Variants in KALRN observed in about 807,000 individuals in gnomAD.
The protein encoded by KALRN is kalirin RhoGEF kinase.
KALRN carries 70 observed loss-of-function variants against 353.7 expected under a neutral mutation model. That is an observed-to-expected ratio of 0.20 (90% CI 0.16 to 0.24). The LOEUF (loss-of-function observed/expected upper bound fraction) is 0.24, where lower values mean the gene tolerates loss of function less well. Ranked by LOEUF, KALRN falls within the 10% of genes least tolerant of loss-of-function variation. KALRN has a pLI of 1.00. For missense variants in KALRN, 2,791 were observed against 3,756.7 expected (o/e 0.74, Z 6.72); for synonymous variants, 1,391 against 1,434.8 (o/e 0.97, Z 0.69).
At chr3:124,312,589 A>G (rs1383810801) in intron 6 of KALRN, among the ~76,000 whole-genome samples, 1 of 152,262 alleles carries the variant, frequency 6.6e-6, no homozygotes, top group Admixed American at 6.5e-5. Flanking sequence ...TAAACATTAA[A>G]GGGAATGGCC....
intron 34 of KALRN, among the ~76,000 whole-genome samples, chr3:124,572,327 AAAAAAAC>A (rs1003825528): frequency 3.3e-5 from 5 of 151,762 alleles, no homozygotes; most frequent in Admixed American, 1.3e-4. Context: ...CCCATCTCAA[AAAAAAAC>A]AAAAAACAAA....
At chr3:124,449,205 C>T (rs567665024) in intron 21 of KALRN, among the ~76,000 whole-genome samples, 50 of 152,238 alleles carry the variant, frequency 3.3e-4, no homozygotes, top group African/African-American at 1.2e-3. Flanking sequence ...CAAGAGAATA[C>T]ATACAGTGGC....
chr3:124,280,390 C>T (rs2075226348), intron 5 of KALRN, among the ~76,000 whole-genome samples: 1 of 152,338 alleles, frequency 6.6e-6, no homozygotes, highest in East Asian at 1.9e-4. Context: ...GAACTACTCT[C>T]TTCCTTCCCC....
At position 124,507,412 on chromosome 3, in the gene KALRN, T is replaced by C. The variant is rs1306175320; in HGVS notation, c.4935+10999T>C. ...GAATATGAAGTCCCAACCATGAAAT[T>C]TGCTGTTATTTGGAGGGCAAACTAC... On this transcript the variant is annotated intron_variant, in intron 33 of 59. Transcript: ENST00000682506. Among the ~76,000 whole-genome samples the C allele has an allele frequency of 9.2e-5, 14 of 152,300 alleles. No homozygotes were observed. The South Asian group carries it at 2.1e-3, about 23-fold the overall frequency.
At chr3:124,198,492 C>T (rs984003594) in intron 1 of KALRN, among the ~76,000 whole-genome samples, 1 of 152,194 alleles carries the variant, frequency 6.6e-6, no homozygotes, top group African/African-American at 2.4e-5. Flanking sequence ...CTCAAAGAGA[C>T]AATTTGTGTT....
intron 1 of KALRN, among the ~76,000 whole-genome samples, chr3:124,045,866 G>A (rs755894278): frequency 5.9e-5 from 9 of 152,170 alleles, no homozygotes; most frequent in South Asian, 2.1e-4. Flanking sequence ...CCGGATGGGC[G>A]TGGGGAAGAT....
At chr3:124,127,209 A>G (rs1161466972) in intron 1 of KALRN, among the ~76,000 whole-genome samples, 1 of 152,162 alleles carries the variant, frequency 6.6e-6, no homozygotes, top group African/African-American at 2.4e-5. Context: ...TCAACCTGTC[A>G]AATATCTGAT....
At chr3:124,353,310 A>G (rs2083036017) in intron 10 of KALRN, among the ~76,000 whole-genome samples, 1 of 152,194 alleles carries the variant, frequency 6.6e-6, no homozygotes, top group African/African-American at 2.4e-5. Context: ...ATAAAATAGG[A>G]TAATCCACAG....
chr3:124,438,652 G>A (rs111597209), intron 17 of KALRN, among the ~76,000 whole-genome samples: 3 of 148,646 alleles, frequency 2.0e-5, no homozygotes, highest in Admixed American at 6.8e-5. Context: ...CTATTCCTAG[G>A]TAATGTCATC....
chr3:124,596,187 A>G (rs1299884039), intron 34 of KALRN, among the ~76,000 whole-genome samples: 4 of 97,810 alleles, frequency 4.1e-5, no homozygotes, highest in Admixed American at 2.1e-4. Context: ...ATCTTAAAGA[A>G]AAAAAAAAAA....
At chr3:124,395,545 A>T (rs896569540) in intron 12 of KALRN, 2 of 544,830 alleles carry the variant, frequency 3.7e-6, no homozygotes, top group Admixed American at 3.3e-5. Context: ...TTAATGTTTC[A>T]AAGAATTATT....
At chr3:124,336,369 A>G (rs1174721431) in intron 9 of KALRN, among the ~76,000 whole-genome samples, 1 of 152,134 alleles carries the variant, frequency 6.6e-6, no homozygotes, top group Non-Finnish European at 1.5e-5. Context: ...GAGGCAGTCT[A>G]TGATTGAGAC....
intron 5 of KALRN, among the ~76,000 whole-genome samples, chr3:124,286,096 T>TTTCTTTCC (rs2075832542): frequency 7.0e-6 from 1 of 143,028 alleles, no homozygotes; most frequent in African/African-American, 2.7e-5. Flanking sequence ...TCTTTCTTTC[T>TTTCTTTCC]TTCTTTCTTT....
chr3:124,037,378 A>G (rs1029638473), intron 1 of KALRN, among the ~76,000 whole-genome samples: 1 of 152,212 alleles, frequency 6.6e-6, no homozygotes, highest in Non-Finnish European at 1.5e-5. Flanking sequence ...TGGGCATTGA[A>G]GAGCCTGGGC....
chr3:124,387,962 G>A (rs1052342764), intron 11 of KALRN, among the ~76,000 whole-genome samples: 2 of 152,020 alleles, frequency 1.3e-5, no homozygotes, highest in African/African-American at 4.8e-5. Flanking sequence ...TAAGTGATTT[G>A]CTAGGCAGGG....
intron 10 of KALRN, among the ~76,000 whole-genome samples, chr3:124,361,972 A>G (rs1055369989): frequency 5.3e-5 from 8 of 151,808 alleles, no homozygotes; most frequent in Non-Finnish European, 1.0e-4. Flanking sequence ...TCCAGGTGTG[A>G]TTTGAGGTGG....
At chr3:124,305,598 G>A (rs2077620399) in intron 6 of KALRN, among the ~76,000 whole-genome samples, 1 of 152,170 alleles carries the variant, frequency 6.6e-6, no homozygotes, top group Admixed American at 6.5e-5. Context: ...TCAGAGCACT[G>A]CCAAAGCCAC....
chr3:124,455,162 C>CCA lies in KALRN; in HGVS notation c.3553-15_3553-14insCA. On this transcript the variant is annotated splice_polypyrimidine_tract_variant and intron_variant, in intron 21 of 59. Coordinates refer to ENST00000682506, the MANE Select transcript of KALRN (RefSeq NM_001388419.1). The stretch of plus-strand genomic sequence containing the variant: ...TAAATGTAATCCAGTAACTTAAGGC[C>CCA]ATCTTTTGGGGCAGCAAACAAAGGA... 1 of 1,613,726 alleles carries CCA rather than the reference C, an allele frequency of 6.2e-7. No homozygotes were observed. Among genetic ancestry groups the CCA allele is most frequent in the Non-Finnish European group, 8.5e-7 (1 of 1,179,766 alleles).
At chr3:124,210,156 G>A (rs960730793) in intron 1 of KALRN, among the ~76,000 whole-genome samples, 5 of 152,100 alleles carry the variant, frequency 3.3e-5, no homozygotes, top group East Asian at 1.9e-4. Context: ...TCCTATACTT[G>A]CATTTATTTC....
Sources: allele counts gnomAD v4.1 joint callset (sites outside exome capture counted in the v4.1 genomes callset), GRCh38; gene constraint gnomAD v4.1.1; transcripts MANE v1.5; gene names NCBI Gene and HGNC (gene_info 2026-07-23, HGNC 2026-07-21).